INS: variants seen among roughly 807,000 people sequenced by gnomAD.
The protein encoded by INS is insulin, also known as preproinsulin.
In INS, 6 loss-of-function variants were observed where a neutral mutation model predicts 10.5. The ratio of observed to expected loss-of-function variants is 0.57; its 90% CI spans 0.31 to 1.13. The LOEUF (loss-of-function observed/expected upper bound fraction) is 1.13, where lower values mean the gene tolerates loss of function less well. INS is among the 50% of genes most tolerant of loss of function. INS has a pLI of 0.05. For synonymous variants in INS, 71 were observed against 62.7 expected, an observed-to-expected ratio of 1.13 and a Z score of -0.63; for missense variants, 109 against 138.6, an observed-to-expected ratio of 0.79 and a Z score of 1.07.
At position 2,160,956 on chromosome 11, in the gene INS, G is replaced by C. The variant is rs121908278; in HGVS notation, c.16C>G (p.Arg6Gly). 6.2e-7 allele frequency: 1 copy of C among 1,612,392 alleles called. No homozygotes were observed. Among genetic ancestry groups the C allele is most frequent in the South Asian group, 1.1e-5 (1 of 91,078 alleles). Residue 6 changes from arginine (R) to glycine (G), a missense_variant, in exon 2 of 3, where the codon CGC becomes GGC. This residue lies in a region of INS where 108 missense variants were observed against 118.0 expected (regional missense o/e 0.92). Transcript: ENST00000381330. ...AGCAGCGCCAGCAGGGGCAGGAGGC[G>C]CATCCACAGGGCCATGGCAGAAGGA... MALWM[R>G]LLPLLALLAL...
chr11:2,160,715 G>T (rs940358303), intron 2 of INS, 70 bp downstream of exon 2: 12 of 1,588,070 alleles, frequency 7.6e-6, no homozygotes, highest in South Asian at 1.1e-5. Flanking sequence ...TTCTGCCCAT[G>T]CTGGGTGGGA....
chr11:2,160,229 C>T (rs530088956), intron 2 of INS, among the ~76,000 whole-genome samples: 5 of 152,212 alleles, frequency 3.3e-5, no homozygotes, highest in South Asian at 4.1e-4. Flanking sequence ...CCCGGGGCAG[C>T]GTCACAGTGG....
chr11:2,161,110 G>A, intron 1 of INS, 58 bp downstream of exon 1: 1 of 1,271,520 alleles, frequency 7.9e-7, no homozygotes, highest in Non-Finnish European at 1.1e-6. Context: ...GCTGGGGCCT[G>A]GGGTCCAGCC....
rs763947624 is a variant in INS, at chr11:2,159,808, T to C, written c.*44A>G. 23 of 1,601,232 alleles carry C rather than the reference T, an allele frequency of 1.4e-5. No homozygotes were observed. The highest frequency in any genetic ancestry group is 2.0e-5 in the Non-Finnish European group (23 of 1,174,020). ...GTTCAAGGGCTTTATTCCATCTCTC[T>C]CGGTGCAGGAGGCGGCGGGTGTGGG... On this transcript the variant is annotated 3_prime_UTR_variant, in exon 3 of 3. Coordinates refer to ENST00000381330, the MANE Select transcript of INS (RefSeq NM_000207.3).
rs946478708 is a variant in INS at position 2,161,115 on chromosome 11, C to T, written c.-18+53G>A. The T allele has an allele frequency of 5.6e-6, 7 of 1,242,778 alleles. No individual in the cohort carries two copies. The Admixed American group carries it at 9.8e-5, about 17-fold the overall frequency. 77.0% of individuals were successfully genotyped at this position (1,242,778 alleles called of 1,614,324 possible). ...CTGCTGCAGAGCTGGGGCCTGGGGT[C>T]CAGCCACCCTGGAATCCTGAGCCCA... is the stretch of plus-strand genomic sequence containing the variant. On this transcript the variant is annotated intron_variant, in intron 1 of 2. Coordinates refer to ENST00000381330, the MANE Select transcript of INS (RefSeq NM_000207.3).
At position 2,159,976 on chromosome 11, in the gene INS, C is replaced by G; in HGVS notation, c.209G>C (p.Gly70Ala). Residue 70 changes from glycine to alanine, a missense_variant, in exon 3 of 3, where the codon GGG (glycine) becomes GCG (alanine). By Grantham distance (60) the Gly-to-Ala change is moderately conservative (BLOSUM62 0). Transcript: ENST00000381330. ...DLQVGQVELG[G>A]GPGAGSLQPL... is the part of the protein sequence containing the mutation. ...CTGCAGGCTGCCTGCACCAGGGCCC[C>G]CGCCCAGCTCCACCTGCCCCACTGC... 6.3e-7 allele frequency: 1 copy of G among 1,587,668 alleles called. No individual in the cohort carries two copies. Among genetic ancestry groups the G allele is most frequent in the Non-Finnish European group, 8.5e-7 (1 of 1,169,764 alleles).
At chr11:2,160,576 C>A (rs1021526422) in intron 2 of INS, among the ~76,000 whole-genome samples, 1 of 152,186 alleles carries the variant, frequency 6.6e-6, no homozygotes, top group African/African-American at 2.4e-5. Context: ...GCTGCCGAAG[C>A]CAACACCGTC....
Position 2,159,951 on chromosome 11 carries a change from C to T in INS, c.234G>A (p.Gln78=). 2 of 1,594,646 alleles carry T rather than the reference C, an allele frequency of 1.3e-6. No individual in the cohort carries two copies. The highest frequency in any genetic ancestry group is 8.5e-7 in the Non-Finnish European group (1 of 1,172,266). ...GCAGGGACCCCTCCAGGGCCAAGGG[C>T]TGCAGGCTGCCTGCACCAGGGCCCC... is the stretch of plus-strand genomic sequence containing the variant. ...LGGGPGAGSL[Q]PLALEGSLQK... The change falls in exon 3 of 3, where the codon CAG becomes CAA. Residue 78 remains glutamine, a synonymous_variant. Transcript: ENST00000381330.
chr11:2,161,031 C>T lies in INS; in HGVS notation c.-17-43G>A, dbSNP rs1397734107. ...CTGAGGCAGGCTGAAGGCCAGGTGC[C>T]CTGCCTTGGGGCCCCTGGGCTCACC... On this transcript the variant is annotated intron_variant, in intron 1 of 2. Coordinates refer to ENST00000381330, the MANE Select transcript of INS (RefSeq NM_000207.3). The T allele has an allele frequency of 6.3e-6, 10 of 1,588,680 alleles. No homozygotes were observed. In the East Asian group the frequency reaches 1.6e-4, roughly 25 times the overall value.
In INS at chr11:2,159,916, C is replaced by T. The variant is rs760425445; in HGVS notation, c.269G>A (p.Gly90Asp). ...GCTGGTACAGCATTGTTCCACAATG[C>T]CACGCTTCTGCAGGGACCCCTCCAG... ...LALEGSLQKRGIVEQCCTSIC... is the reference protein window; with the variant it reads ...LALEGSLQKRDIVEQCCTSIC... Residue 90 changes from glycine to aspartate, a missense_variant, in exon 3 of 3, where the codon GGC becomes GAC. Physicochemically the swap from Gly to Asp is moderately conservative, Grantham distance 94. This residue lies in a region of INS where 108 missense variants were observed against 118.0 expected (regional missense o/e 0.92). Coordinates refer to ENST00000381330, the MANE Select transcript of INS (RefSeq NM_000207.3). 1.2e-6 allele frequency: 2 copies of T among 1,604,874 alleles called. No individual in the cohort carries two copies. The highest frequency in any genetic ancestry group is 2.2e-5 in the South Asian group (2 of 89,104).
chr11:2,161,178 G>T lies in INS; in HGVS notation c.-28C>A, dbSNP rs1401377988. The stretch of plus-strand genomic sequence containing the variant: ...GCCCTTGGAACAGACCTGCTTGATG[G>T]CCTCTTCTGATGCAGCCTGTCCTGG... On this transcript the variant is annotated 5_prime_UTR_variant, in exon 1 of 3. Transcript: ENST00000381330. The T allele has an allele frequency of 6.0e-6, 4 of 670,010 alleles. No homozygotes were observed. Among genetic ancestry groups the T allele is most frequent in the Non-Finnish European group, 9.9e-6 (4 of 403,618 alleles). The allele number at this position is 670,010 out of a possible 1,614,324, so 41.5% of individuals were successfully genotyped here.
chr11:2,160,071 G>T, intron 2 of INS, 74 bp from the exon 3 acceptor site: 1 of 1,476,290 alleles, frequency 6.8e-7, no homozygotes, highest in South Asian at 1.2e-5. Flanking sequence ...ACACAGTCAG[G>T]GAGACACAGT....
intron 1 of INS, 25 bp downstream of exon 1, chr11:2,161,143 T>A: frequency 2.3e-6 from 2 of 878,196 alleles, no homozygotes; most frequent in Admixed American, 2.8e-5. Flanking sequence ...TGAGCCCACC[T>A]GACGCAAAGG....
Position 2,159,932 on chromosome 11 carries a change from A to AC in INS, c.252dup (p.Ser85ValfsTer?). On this transcript the variant is annotated frameshift_variant, in exon 3 of 3. Transcript: ENST00000381330. LOFTEE classifies it high-confidence loss of function. ...TCCACAATGCCACGCTTCTGCAGGG[A>AC]CCCCTCCAGGGCCAAGGGCTGCAGG... 1 of 1,598,426 alleles carries AC rather than the reference A, an allele frequency of 6.3e-7. No individual in the cohort carries two copies. The highest frequency in any genetic ancestry group is 8.5e-7 in the Non-Finnish European group (1 of 1,174,176).
At chr11:2,160,557 T>C (rs1487660670) in intron 2 of INS, among the ~76,000 whole-genome samples, 1 of 152,146 alleles carries the variant, frequency 6.6e-6, no homozygotes, top group African/African-American at 2.4e-5. Context: ...CCCTCTGATG[T>C]ATCTCGGGGC....
chr11:2,161,000 G>A lies in INS; in HGVS notation c.-17-12C>T. The A allele has an allele frequency of 1.2e-6, 2 of 1,608,974 alleles. No homozygotes were observed. The highest frequency in any genetic ancestry group is 1.3e-5 in the African/African-American group (1 of 75,002). Reference sequence around the variant, plus strand: ...AGAAGGACAGTGATCTGGGAGACAGGCAGGGCTGAGGCAGGCTGAAGGCCA... The same window carrying A: ...AGAAGGACAGTGATCTGGGAGACAGACAGGGCTGAGGCAGGCTGAAGGCCA... On this transcript the variant is annotated splice_polypyrimidine_tract_variant and intron_variant, in intron 1 of 2. Transcript: ENST00000381330.
rs1166335966 is a variant in INS, at chr11:2,161,106, G to A, written c.-18+62C>T. 3.1e-6 allele frequency: 4 copies of A among 1,302,472 alleles called. No individual in the cohort carries two copies. Among genetic ancestry groups the A allele is most frequent in the Non-Finnish European group, 4.2e-6 (4 of 963,578 alleles). 80.7% of individuals were successfully genotyped at this position (1,302,472 alleles called of 1,614,324 possible). On this transcript the variant is annotated intron_variant, in intron 1 of 2. Coordinates refer to ENST00000381330, the MANE Select transcript of INS (RefSeq NM_000207.3). ...ACGTCCTCCCTGCTGCAGAGCTGGG[G>A]CCTGGGGTCCAGCCACCCTGGAATC...
At position 2,159,995 on chromosome 11, in the gene INS, C is replaced by T. The variant is rs1590157717; in HGVS notation, c.190G>A (p.Gly64Arg). The T allele has an allele frequency of 1.3e-6, 2 of 1,582,956 alleles. No homozygotes were observed. The highest frequency in any genetic ancestry group is 2.3e-5 in the East Asian group (1 of 43,776). Reference sequence around the variant, plus strand: ...GGGCCCCCGCCCAGCTCCACCTGCCCCACTGCCAGGACGTGCCGCGCAGAG... The same window carrying T: ...GGGCCCCCGCCCAGCTCCACCTGCCTCACTGCCAGGACGTGCCGCGCAGAG... ...TRREAEDLQV[G>R]QVELGGGPGA... Residue 64 changes from glycine to arginine, a missense_variant and splice_region_variant, in exon 3 of 3, where the codon GGG becomes AGG. Physicochemically the swap from Gly to Arg is moderately radical, Grantham distance 125 (BLOSUM62 -2). Around this residue, in one of 2 missense-constraint regions of INS, gnomAD observed 108 missense variants for 118.0 expected, o/e 0.92. Transcript: ENST00000381330.
chr11:2,161,190 G>A lies in INS; in HGVS notation c.-40C>T, dbSNP rs1263878111. ...GACCTGCTTGATGGCCTCTTCTGAT[G>A]CAGCCTGTCCTGGAGGGCTGAGGGC... On this transcript the variant is annotated 5_prime_UTR_variant, in exon 1 of 3. Transcript: ENST00000381330. The A allele has an allele frequency of 1.4e-5, 9 of 639,674 alleles. No homozygotes were observed. The East Asian group carries it at 2.0e-4, about 14-fold the overall frequency. The allele number at this position is 639,674 out of a possible 1,614,324, so 39.6% of individuals were successfully genotyped here.
Sources: allele counts gnomAD v4.1 joint callset (sites outside exome capture counted in the v4.1 genomes callset), GRCh38; gene constraint gnomAD v4.1.1; regional missense constraint gnomAD v4.1.1; transcripts MANE v1.5; gene names NCBI Gene and HGNC (gene_info 2026-07-23, HGNC 2026-07-21).